Variants in CSMD1 observed in about 807,000 individuals in gnomAD.
CSMD1 encodes the protein CUB and Sushi multiple domains 1.
A neutral mutation model predicts 417.5 loss-of-function variants in CSMD1; 213 were observed. The ratio of observed to expected loss-of-function variants is 0.51; its 90% confidence interval spans 0.46 to 0.57. CSMD1 has a LOEUF of 0.57. CSMD1 is among the 20% of genes least tolerant of loss of function. The pLI is 0.00. For synonymous variants in CSMD1, 2,862 were observed against 1,736.8 expected, an observed-to-expected ratio of 1.65 and a Z score of -16.11; for missense variants, 6,923 against 4,529.7, an observed-to-expected ratio of 1.53 and a Z score of -15.17.
At position 3,091,665 on chromosome 8, in the gene CSMD1, A is replaced by C; in HGVS notation, c.7139-3T>G. On this transcript the variant is annotated splice_polypyrimidine_tract_variant and splice_region_variant and intron_variant, in intron 47 of 69. Coordinates refer to ENST00000635120, the MANE Select transcript of CSMD1 (RefSeq NM_033225.6). ...CAGAGGACTTTGCCCAGAAGAACCTAAGTGAAACAGAAAAACAAAAACATT... is the reference window on the plus strand; with the variant it reads ...CAGAGGACTTTGCCCAGAAGAACCTCAGTGAAACAGAAAAACAAAAACATT... The C allele has an allele frequency of 6.2e-7, 1 of 1,605,914 alleles. No homozygotes were observed. Among genetic ancestry groups the C allele is most frequent in the Non-Finnish European group, 8.5e-7 (1 of 1,178,124 alleles).
intron 6 of CSMD1, among the ~76,000 whole-genome samples, chr8:3,718,707 G>T (rs1021953300): frequency 1.3e-5 from 2 of 152,152 alleles, no homozygotes; most frequent in African/African-American, 4.8e-5. Context: ...AATGTAAAGG[G>T]TAATTAGCAT....
chr8:4,238,313 C>G (rs912211840), intron 3 of CSMD1, among the ~76,000 whole-genome samples: 1 of 152,172 alleles, frequency 6.6e-6, no homozygotes, highest in Non-Finnish European at 1.5e-5. Context: ...TCAGCTTGGT[C>G]CTCCTCAGCA....
At chr8:3,313,626 G>A (rs1805527451) in intron 23 of CSMD1, among the ~76,000 whole-genome samples, 1 of 152,190 alleles carries the variant, frequency 6.6e-6, no homozygotes, top group Admixed American at 6.5e-5. Context: ...AACAACAGGT[G>A]CTGGAGAGGA....
chr8:3,304,437 C>T (rs1284058595), intron 25 of CSMD1, among the ~76,000 whole-genome samples: 1 of 151,922 alleles, frequency 6.6e-6, no homozygotes, highest in Non-Finnish European at 1.5e-5. Context: ...ATGGTTTTGC[C>T]AGATCACCAT....
Position 2,973,222 on chromosome 8 carries a change from T to C in CSMD1, c.8818A>G (p.Ser2940Gly). The change falls in exon 57 of 70, where the codon AGT (serine) becomes GGT (glycine). Residue 2940 changes from serine to glycine, a missense_variant. Transcript: ENST00000635120. Reference protein sequence around the residue: ...SRLGDDFKTKSLLRFSCEMGH... With the variant: ...SRLGDDFKTKGLLRFSCEMGH... ...ATTTCACAGGAGAAGCGGAGAAGAC[T>C]CTTTGTCTTAAAGTCATCACCAAGC... 13 of 1,613,900 alleles carry C rather than the reference T, an allele frequency of 8.1e-6. No individual in the cohort carries two copies. Among genetic ancestry groups the C allele is most frequent in the South Asian group, 1.1e-5 (1 of 91,084 alleles).
chr8:4,511,023 G>A (rs6990344), intron 2 of CSMD1, among the ~76,000 whole-genome samples: 24,714 of 151,912 alleles, frequency 0.16, 2,059 homozygotes, highest in African/African-American at 0.17. Context: ...CTATGTGGCT[G>A]CCTTTTATTT....
chr8:4,383,488 T>G (rs1361902469), intron 3 of CSMD1, among the ~76,000 whole-genome samples: 1 of 152,214 alleles, frequency 6.6e-6, no homozygotes, highest in African/African-American at 2.4e-5. Flanking sequence ...ATCTGTCGTC[T>G]GTAATTTTAT....
At position 3,661,683 on chromosome 8, in the gene CSMD1, G is replaced by C. The variant is rs539219257; in HGVS notation, c.1010-44886C>G. Among the ~76,000 whole-genome samples, 8 of 152,190 alleles carry C rather than the reference G, an allele frequency of 5.3e-5. No individual in the cohort carries two copies. In the East Asian group the frequency reaches 9.7e-4, roughly 18 times the overall value. On this transcript the variant is annotated intron_variant, in intron 7 of 69. Transcript: ENST00000635120. The stretch of plus-strand genomic sequence containing the variant: ...AGCTAATTTTTGTATTTTTAGTAGA[G>C]ACGGGATTTCACCATGTTGGTCAGG...
chr8:3,257,805 G>C (rs1184616307), intron 26 of CSMD1, among the ~76,000 whole-genome samples: 2 of 152,184 alleles, frequency 1.3e-5, no homozygotes, highest in East Asian at 3.9e-4. Context: ...AGGGCGATCG[G>C]TGGGTGGGGT....
At chr8:4,349,717 T>A (rs1022983265) in intron 3 of CSMD1, among the ~76,000 whole-genome samples, 5 of 152,118 alleles carry the variant, frequency 3.3e-5, no homozygotes, top group African/African-American at 1.2e-4. Context: ...CAATCATCAG[T>A]TACAAGATCA....
At chr8:4,344,172 A>G (rs572399133) in intron 3 of CSMD1, among the ~76,000 whole-genome samples, 12 of 152,226 alleles carry the variant, frequency 7.9e-5, no homozygotes, top group African/African-American at 2.9e-4. Flanking sequence ...CTGCTTTTTC[A>G]TATATTTTCA....
intron 1 of CSMD1, among the ~76,000 whole-genome samples, chr8:4,730,855 C>T (rs994472075): frequency 6.6e-6 from 1 of 152,106 alleles, no homozygotes; most frequent in South Asian, 2.1e-4. Context: ...AAATAAGAGC[C>T]GTAACGAGAA....
At position 4,638,998 on chromosome 8, in the gene CSMD1, C is replaced by T. The variant is rs569927699; in HGVS notation, c.86-1440G>A. On this transcript the variant is annotated intron_variant, in intron 1 of 69. Coordinates refer to ENST00000635120, the MANE Select transcript of CSMD1 (RefSeq NM_033225.6). The stretch of plus-strand genomic sequence containing the variant: ...CCCCAGGCTTCCTGCAAGAACCAAG[C>T]GCTGAAAGAACAGCTCTGGGAGATT... Among the ~76,000 whole-genome samples, 9 of 152,260 alleles carry T rather than the reference C, an allele frequency of 5.9e-5. No individual in the cohort carries two copies. In the East Asian group the frequency reaches 9.7e-4, roughly 16 times the overall value.
intron 1 of CSMD1, among the ~76,000 whole-genome samples, chr8:4,975,704 G>A (rs183337545): frequency 6.6e-6 from 1 of 152,258 alleles, no homozygotes; most frequent in East Asian, 1.9e-4. Flanking sequence ...ACCATTGTGA[G>A]CTCTTCAGGG....
At chr8:4,604,413 G>GCGCC (rs1563326977) in intron 2 of CSMD1, among the ~76,000 whole-genome samples, 1 of 151,140 alleles carries the variant, frequency 6.6e-6, no homozygotes, top group Admixed American at 6.6e-5. Flanking sequence ...GTGTGTGTGC[G>GCGCC]CGTGCGTAAA....
At chr8:4,663,664 C>T (rs1185615357) in intron 1 of CSMD1, among the ~76,000 whole-genome samples, 1 of 152,208 alleles carries the variant, frequency 6.6e-6, no homozygotes, top group Non-Finnish European at 1.5e-5. Context: ...TTCCCTGAGA[C>T]CTCCCCAGCC....
At chr8:3,873,193 CCTTTA>C (rs1805597215) in intron 5 of CSMD1, among the ~76,000 whole-genome samples, 1 of 152,056 alleles carries the variant, frequency 6.6e-6, no homozygotes, top group South Asian at 2.1e-4. Flanking sequence ...GCCAGCAATC[CCTTTA>C]CTGGCTATGT....
intron 3 of CSMD1, among the ~76,000 whole-genome samples, chr8:4,039,773 G>T (rs1490889092): frequency 1.3e-5 from 2 of 152,172 alleles, no homozygotes; most frequent in Non-Finnish European, 2.9e-5. Context: ...GTTGTGGCAA[G>T]CATTTATAGA....
At position 3,093,529 on chromosome 8, in the gene CSMD1, G is replaced by A. The variant is rs536037077; in HGVS notation, c.7139-1867C>T. ...TAAAAATACAAAAAATTAGCTGGGCGTGGCGGCAGGCACCTGTAATCCCAG... is the reference window on the plus strand; with the variant it reads ...TAAAAATACAAAAAATTAGCTGGGCATGGCGGCAGGCACCTGTAATCCCAG... On this transcript the variant is annotated intron_variant, in intron 47 of 69. Coordinates refer to ENST00000635120, the MANE Select transcript of CSMD1 (RefSeq NM_033225.6). Among the ~76,000 whole-genome samples the A allele has an allele frequency of 1.2e-4, 18 of 152,124 alleles. No homozygotes were observed. In the South Asian group the frequency reaches 1.2e-3, roughly 11 times the overall value.
Sources: allele counts gnomAD v4.1 joint callset (sites outside exome capture counted in the v4.1 genomes callset), GRCh38; gene constraint gnomAD v4.1.1; transcripts MANE v1.5; gene names NCBI Gene and HGNC (gene_info 2026-07-23, HGNC 2026-07-21).